DRC7: variants seen among roughly 807,000 people sequenced by gnomAD.
The protein encoded by DRC7 is dynein regulatory complex subunit 7.
A neutral mutation model predicts 104.4 loss-of-function variants in DRC7; 80 were observed. The observed-to-expected ratio is 0.77, with a 90% CI of 0.64 to 0.92. DRC7 has a LOEUF of 0.92. DRC7 is among the 40% of genes least tolerant of loss of function. DRC7 has a pLI of 0.00. For synonymous variants in DRC7, 405 were observed against 447.3 expected (o/e 0.91, Z 1.19); for missense variants, 1,034 against 1,141.1 (o/e 0.91, Z 1.35).
At chr16:57,726,320 CA>C in intron 14 of DRC7, 37 bp downstream of exon 14, 1 of 1,560,624 alleles carries the variant, frequency 6.4e-7, no homozygotes, top group African/African-American at 1.4e-5. Flanking sequence ...GGGTCGGCTG[CA>C]GGAGGAACCG....
At position 57,726,906 on chromosome 16, in the gene DRC7, G is replaced by A. The variant is rs1891909191; in HGVS notation, c.2049G>A (p.Lys683=). 5.6e-6 allele frequency: 9 copies of A among 1,613,008 alleles called. No homozygotes were observed. Among genetic ancestry groups the A allele is most frequent in the Non-Finnish European group, 5.1e-6 (6 of 1,179,652 alleles). The stretch of plus-strand genomic sequence containing the variant: ...TGATGCACCTGAAGAGGGAGGAGAA[G>A]CTGTCCAGACATCAGGTCTGGGAGT... ...EAMMHLKREE[K]LSRHQVWESE... The change falls in exon 15 of 19, where the codon AAG becomes AAA. Residue 683 remains lysine (K), a synonymous_variant. Coordinates refer to ENST00000360716, the MANE Select transcript of DRC7 (RefSeq NM_001289162.2).
At chr16:57,712,801 G>A (rs569134736) in intron 8 of DRC7, among the ~76,000 whole-genome samples, 1 of 152,174 alleles carries the variant, frequency 6.6e-6, no homozygotes, top group East Asian at 1.9e-4. Flanking sequence ...CTGAGTAGCT[G>A]AGATTACAGG....
rs986386621 is a variant in DRC7, at chr16:57,722,945, G to C, written c.1409-57G>C. 45 of 1,613,048 alleles carry C rather than the reference G, an allele frequency of 2.8e-5. No homozygotes were observed. The South Asian group carries it at 4.8e-4, about 17-fold the overall frequency. On this transcript the variant is annotated intron_variant, in intron 11 of 18. Transcript: ENST00000360716. Reference sequence around the variant, plus strand: ...TGGCCTCTGTGTGCCTGGAATAAGGGGGGTTGAAGGCTAGGGGAGCTGGCC... The same window carrying C: ...TGGCCTCTGTGTGCCTGGAATAAGGCGGGTTGAAGGCTAGGGGAGCTGGCC...
At chr16:57,706,833 C>G (rs2048738132) in intron 7 of DRC7, among the ~76,000 whole-genome samples, 1 of 151,264 alleles carries the variant, frequency 6.6e-6, no homozygotes. Context: ...TCCATCCATC[C>G]TCCCATCCAC....
intron 8 of DRC7, among the ~76,000 whole-genome samples, chr16:57,716,694 C>T (rs1408599372): frequency 6.6e-6 from 1 of 152,074 alleles, no homozygotes; most frequent in African/African-American, 2.4e-5. Context: ...AGGAGCCCTC[C>T]CAGGACCCAC....
intron 16 of DRC7, 48 bp from the exon 17 acceptor site, chr16:57,728,342 G>T: frequency 6.6e-7 from 1 of 1,503,926 alleles, no homozygotes; most frequent in Non-Finnish European, 9.0e-7. Context: ...TGGTGGAGAG[G>T]TCTCTGTAGT....
At position 57,706,507 on chromosome 16, in the gene DRC7, C is replaced by T. The variant is rs562654077; in HGVS notation, c.859-953C>T. Among the ~76,000 whole-genome samples the T allele has an allele frequency of 2.8e-5, 4 of 144,498 alleles. No homozygotes were observed. In the East Asian group the frequency reaches 8.6e-4, roughly 31 times the overall value. The allele number at this position is 144,498 out of a possible 152,430, so 94.8% of individuals were successfully genotyped here. A position where few individuals can be genotyped will look rare whatever the true frequency, so the allele number is the denominator to read the frequency against. On this transcript the variant is annotated intron_variant, in intron 7 of 18. Coordinates refer to ENST00000360716, the MANE Select transcript of DRC7 (RefSeq NM_001289162.2). ...CCGTCCTCTCATCCATGCTTCCATC[C>T]ATCCATCCTCCCACCCTCCCATCCA...
intron 8 of DRC7, among the ~76,000 whole-genome samples, chr16:57,711,510 G>A (rs1405244304): frequency 6.6e-6 from 1 of 152,234 alleles, no homozygotes; most frequent in African/African-American, 2.4e-5. Flanking sequence ...GGCAGCGTAC[G>A]GCAGCAGCAG....
Position 57,731,312 on chromosome 16 carries a change from C to T in DRC7, c.*54C>T. Reference sequence around the variant, plus strand: ...GCCAGAGAAAGGAAACCTCTTCCCGCAGCCTGGCTCCTGTGTTCCCTCTAT... The same window carrying T: ...GCCAGAGAAAGGAAACCTCTTCCCGTAGCCTGGCTCCTGTGTTCCCTCTAT... On this transcript the variant is annotated 3_prime_UTR_variant, in exon 19 of 19. Transcript: ENST00000360716. The T allele has an allele frequency of 2.8e-6, 4 of 1,421,182 alleles. No individual in the cohort carries two copies. Among genetic ancestry groups the T allele is most frequent in the Non-Finnish European group, 4.0e-6 (4 of 1,010,456 alleles). The allele number at this position is 1,421,182 out of a possible 1,614,324, so 88.0% of individuals were successfully genotyped here.
In DRC7 at chr16:57,724,820, C is replaced by A. The variant is rs2923144; in HGVS notation, c.1743C>A (p.Asn581Lys). The change falls in exon 13 of 19, where the codon AAC becomes AAA. Residue 581 changes from asparagine (N) to lysine (K), a missense_variant. Asn to Lys is a moderately conservative substitution (Grantham distance 94, BLOSUM62 0). Coordinates refer to ENST00000360716, the MANE Select transcript of DRC7 (RefSeq NM_001289162.2). ...KKLTLSSAES[N>K]PRPIVKITER... ...TCACTCTGAGCAGTGCAGAGTCAAACCCCCGGCCCATTGTGGTAAGAGCTC... is the reference window on the plus strand; with the variant it reads ...TCACTCTGAGCAGTGCAGAGTCAAAACCCCGGCCCATTGTGGTAAGAGCTC... 0.1 allele frequency: 165,876 copies of A among 1,612,648 alleles called. 9,379 individuals are homozygous for A. The highest frequency in any genetic ancestry group is 0.18 in the African/African-American group (13,463 of 74,918).
At chr16:57,718,890 G>A (rs2048873838) in intron 9 of DRC7, among the ~76,000 whole-genome samples, 1 of 152,098 alleles carries the variant, frequency 6.6e-6, no homozygotes, top group South Asian at 2.1e-4. Context: ...TTGGGAGGCT[G>A]AGGCAGGAGG....
At chr16:57,707,859 C>T (rs1313742662) in intron 8 of DRC7, 181 bp downstream of exon 8, 40 of 619,362 alleles carry the variant, frequency 6.5e-5, no homozygotes, top group Non-Finnish European at 7.8e-5. Context: ...CATTCTGATA[C>T]GATTATTGTC....
chr16:57,708,103 T>G (rs2048752516), intron 8 of DRC7, among the ~76,000 whole-genome samples: 1 of 152,174 alleles, frequency 6.6e-6, no homozygotes, highest in African/African-American at 2.4e-5. Context: ...CCTCCAAATG[T>G]ATTTTTAACT....
chr16:57,731,347 G>A lies in DRC7; in HGVS notation c.*89G>A. 1.9e-6 allele frequency: 2 copies of A among 1,026,160 alleles called. No individual in the cohort carries two copies. Among genetic ancestry groups the A allele is most frequent in the Non-Finnish European group, 3.0e-6 (2 of 673,706 alleles). The allele number at this position is 1,026,160 out of a possible 1,614,324, so 63.6% of individuals were successfully genotyped here. A position where few individuals can be genotyped will look rare whatever the true frequency, so the allele number is the denominator to read the frequency against. The stretch of plus-strand genomic sequence containing the variant: ...CCTGTGTTCCCTCTATCCAGCCAAT[G>A]CCTGTTTACACAGACACCTGGCCTC... On this transcript the variant is annotated 3_prime_UTR_variant, in exon 19 of 19. Coordinates refer to ENST00000360716, the MANE Select transcript of DRC7 (RefSeq NM_001289162.2).
At chr16:57,728,699 G>A (rs2049004054) in intron 17 of DRC7, 115 bp downstream of exon 17, 2 of 805,712 alleles carry the variant, frequency 2.5e-6, no homozygotes, top group East Asian at 6.1e-5. Flanking sequence ...ATGACGGGAT[G>A]AATATGTCAA....
Position 57,716,641 on chromosome 16 carries a change from A to C in DRC7, c.1078-1706A>C, listed in dbSNP as rs561958445. Among the ~76,000 whole-genome samples, 4 of 151,658 alleles carry C rather than the reference A, an allele frequency of 2.6e-5. No individual in the cohort carries two copies. The South Asian group carries it at 6.2e-4, about 24-fold the overall frequency. ...CCAACTCTCCTCTGCTGTGCCCCCCACTTCTCTCCCCTCCACCCACGAGCT... is the reference window on the plus strand; with the variant it reads ...CCAACTCTCCTCTGCTGTGCCCCCCCCTTCTCTCCCCTCCACCCACGAGCT... On this transcript the variant is annotated intron_variant, in intron 8 of 18. Transcript: ENST00000360716.
chr16:57,730,261 G>C (rs2049045068), intron 17 of DRC7, among the ~76,000 whole-genome samples: 2 of 129,024 alleles, frequency 1.6e-5, no homozygotes, highest in Non-Finnish European at 1.6e-5. Flanking sequence ...GAGTGAGTGA[G>C]TAGGTGGGTG....
chr16:57,729,867 T>A (rs2049035052), intron 17 of DRC7, among the ~76,000 whole-genome samples: 1 of 129,056 alleles, frequency 7.7e-6, no homozygotes, highest in African/African-American at 3.0e-5. Flanking sequence ...GATGGGTGGA[T>A]GGATGGATGG....
chr16:57,715,231 G>A (rs2048830251), intron 8 of DRC7, among the ~76,000 whole-genome samples: 1 of 152,058 alleles, frequency 6.6e-6, no homozygotes, highest in Non-Finnish European at 1.5e-5. Flanking sequence ...TGTATTTTTA[G>A]TAGAGACAGG....
Sources: allele counts gnomAD v4.1 joint callset (sites outside exome capture counted in the v4.1 genomes callset), GRCh38; gene constraint gnomAD v4.1.1; transcripts MANE v1.5; gene names NCBI Gene and HGNC (gene_info 2026-07-23, HGNC 2026-07-21).